The following ATAD2B variants were observed in gnomAD, a reference collection of about 807,000 sequenced individuals.
ATAD2B encodes the protein ATPase family AAA domain containing 2B.
Under a neutral mutation model 167.6 loss-of-function variants are expected in ATAD2B, and 40 were observed. That is an observed-to-expected ratio of 0.24 (90% confidence interval 0.19 to 0.31). The LOEUF (loss-of-function observed/expected upper bound fraction) is 0.31. Among genes scored for constraint, ATAD2B ranks in the 10% least tolerant of loss-of-function variants. The pLI is 1.00. For missense variants in ATAD2B, 1,242 were observed against 1,757.2 expected (o/e 0.71, Z 5.24); for synonymous variants, 579 against 596.5 (o/e 0.97, Z 0.43).
the ATAD2B span, chr2:23,693,402 C>T: frequency 6.4e-7 from 1 of 1,551,752 alleles, no homozygotes. Flanking sequence ...AGGAGGAGAT[C>T]CTCAGCATCT....
rs777997306 is a variant in ATAD2B, at chr2:23,859,949, C to CAA, written c.1480-2448_1480-2447dup. Among the ~76,000 whole-genome samples, 669 of 119,220 alleles carry CAA rather than the reference C, an allele frequency of 5.6e-3. 31 individuals are homozygous for CAA. In the East Asian group the frequency reaches 0.14, roughly 25 times the overall value. The allele number at this position is 119,220 out of a possible 152,430, so 78.2% of individuals were successfully genotyped here. A position where few individuals can be genotyped will look rare whatever the true frequency, so the allele number is the denominator to read the frequency against. ...TGGGTGACAGAGCGAGACTCAGCCT[C>CAA]AAAAAAAAAAAAAGAAATTTAATTG... On this transcript the variant is annotated intron_variant, in intron 12 of 27. Transcript: ENST00000238789.
At chr2:23,916,055 T>C (rs141009061) in intron 1 of ATAD2B, among the ~76,000 whole-genome samples, 103 of 152,048 alleles carry the variant, frequency 6.8e-4, no homozygotes, top group Non-Finnish European at 1.2e-3. Context: ...TTTTGTAACA[T>C]AGTTTTATAC....
At chr2:23,848,263 T>C (rs986242829) in intron 13 of ATAD2B, among the ~76,000 whole-genome samples, 31 of 152,060 alleles carry the variant, frequency 2.0e-4, no homozygotes, top group Non-Finnish European at 3.7e-4. Flanking sequence ...CACACTTTGG[T>C]AGGCCAAGGC....
At chr2:23,892,607 G>A (rs561289545) in intron 2 of ATAD2B, among the ~76,000 whole-genome samples, 1 of 152,020 alleles carries the variant, frequency 6.6e-6, no homozygotes, top group South Asian at 2.1e-4. Context: ...AACTAGCTGG[G>A]TACAGGCACG....
At chr2:23,784,228 CTA>C (rs1680479185) in intron 21 of ATAD2B, among the ~76,000 whole-genome samples, 1 of 152,050 alleles carries the variant, frequency 6.6e-6, no homozygotes, top group Non-Finnish European at 1.5e-5. Flanking sequence ...TGTTACCACT[CTA>C]TGCTTAATTT....
At chr2:23,921,672 A>C (rs1703946179) in intron 1 of ATAD2B, among the ~76,000 whole-genome samples, 1 of 152,342 alleles carries the variant, frequency 6.6e-6, no homozygotes, top group Admixed American at 6.5e-5. Flanking sequence ...ACTGAATTTA[A>C]GCTGCATTTT....
At chr2:23,913,411 G>A (rs1451424188) in intron 1 of ATAD2B, among the ~76,000 whole-genome samples, 2 of 152,054 alleles carry the variant, frequency 1.3e-5, no homozygotes, top group Non-Finnish European at 2.9e-5. Context: ...AGGCCAAGGC[G>A]GGCAGATCAC....
At chr2:23,803,683 G>C (rs1259096716) in intron 18 of ATAD2B, among the ~76,000 whole-genome samples, 2 of 152,194 alleles carry the variant, frequency 1.3e-5, no homozygotes, top group Admixed American at 1.3e-4. Context: ...CCGTCAGAAG[G>C]AGAAAAGAAA....
chr2:23,773,174 A>G (rs1678595423), intron 22 of ATAD2B, among the ~76,000 whole-genome samples: 1 of 152,186 alleles, frequency 6.6e-6, no homozygotes, highest in South Asian at 2.1e-4. Context: ...GTCTATGATA[A>G]TCCTAGGTTC....
chr2:23,874,402 A>C (rs1696490505), intron 8 of ATAD2B, among the ~76,000 whole-genome samples: 1 of 151,898 alleles, frequency 6.6e-6, no homozygotes, highest in African/African-American at 2.4e-5. Context: ...AAAATAAAAA[A>C]CAAGTAACTT....
chr2:23,733,858 C>A, the ATAD2B span, among the ~76,000 whole-genome samples: 1 of 152,298 alleles, frequency 6.6e-6, no homozygotes, highest in Admixed American at 6.5e-5. Flanking sequence ...GGAACAATAT[C>A]TAAAGTCTTT....
chr2:23,913,820 G>A (rs1244872009), intron 1 of ATAD2B, among the ~76,000 whole-genome samples: 1 of 151,984 alleles, frequency 6.6e-6, no homozygotes, highest in Non-Finnish European at 1.5e-5. Flanking sequence ...AAATAGTATT[G>A]GCCTGGTAGA....
chr2:23,737,744 T>C, the ATAD2B span, among the ~76,000 whole-genome samples: 2 of 152,082 alleles, frequency 1.3e-5, no homozygotes, highest in African/African-American at 2.4e-5. Context: ...ACGATCAAAC[T>C]ACTCCGAGCT....
intron 22 of ATAD2B, among the ~76,000 whole-genome samples, chr2:23,771,338 T>C (rs1361207934): frequency 1.3e-5 from 2 of 152,238 alleles, no homozygotes; most frequent in Admixed American, 6.5e-5. Flanking sequence ...TTAATGTTGA[T>C]AGAAGTGGTA....
At chr2:23,731,160 T>C in the ATAD2B span, among the ~76,000 whole-genome samples, 1 of 152,194 alleles carries the variant, frequency 6.6e-6, no homozygotes, top group Non-Finnish European at 1.5e-5. Context: ...TATGAATTCA[T>C]AATAATACCA....
intron 2 of ATAD2B, among the ~76,000 whole-genome samples, chr2:23,888,796 A>C (rs1186590141): frequency 3.3e-5 from 5 of 152,250 alleles, no homozygotes; most frequent in Non-Finnish European, 7.3e-5. Context: ...ATAAACAGTA[A>C]GAAAAAAGTG....
At chr2:23,682,261 AGC>A in the ATAD2B span, among the ~76,000 whole-genome samples, 2 of 152,004 alleles carry the variant, frequency 1.3e-5, no homozygotes, top group Non-Finnish European at 2.9e-5. The surrounding 1 kb of genome is among the most constrained non-coding windows in gnomAD (Gnocchi z 4.1). Flanking sequence ...CCACCCGCTG[AGC>A]GCTCCCTGTG....
At position 23,810,457 on chromosome 2, in the gene ATAD2B, G is replaced by A. The variant is rs761303775; in HGVS notation, c.2313C>T (p.Leu771=). The change falls in exon 18 of 28, where the codon CTC becomes CTT. Residue 771 remains leucine, a synonymous_variant. Coordinates refer to ENST00000238789, the MANE Select transcript of ATAD2B (RefSeq NM_017552.4). ...QPTSYRPRLL[L]SGERGSGQTS... ...TTTGACCTGAGCCCCGTTCTCCAGA[G>A]AGCAATAAGCGTGGCCTGTAAGAGG... 59 of 1,613,826 alleles carry A rather than the reference G, an allele frequency of 3.7e-5. No homozygotes were observed. Among genetic ancestry groups the A allele is most frequent in the Non-Finnish European group, 4.3e-5 (51 of 1,179,860 alleles).
At chr2:23,772,033 T>A (rs1329601726) in intron 22 of ATAD2B, among the ~76,000 whole-genome samples, 1 of 152,222 alleles carries the variant, frequency 6.6e-6, no homozygotes, top group Non-Finnish European at 1.5e-5. Context: ...GCAACCACAC[T>A]ACTCCTCTTA....
Sources: gnomAD v4.1 joint callset for allele counts (sites outside exome capture counted in the v4.1 genomes callset) on GRCh38, gnomAD v4.1.1 for gene constraint, Gnocchi (gnomAD v3.1) non-coding constraint, MANE v1.5 for transcripts, NCBI Gene and HGNC (gene_info 2026-07-23, HGNC 2026-07-21) for gene names.